PRKN: variants seen among roughly 807,000 people sequenced by gnomAD.
PRKN encodes the protein parkin RBR E3 ubiquitin protein ligase, also known as E3 ubiquitin-protein ligase parkin.
PRKN carries 56 observed loss-of-function variants against 59.5 expected under a neutral mutation model. The ratio of observed to expected loss-of-function variants is 0.94; its 90% CI spans 0.76 to 1.18. PRKN has a LOEUF of 1.18. Among genes scored for constraint, PRKN ranks in the 50% most tolerant of loss-of-function variants. The pLI is 0.00. For synonymous variants in PRKN, 250 were observed against 222.1 expected, an observed-to-expected ratio of 1.13 and a Z score of -1.12; for missense variants, 657 against 596.4, an observed-to-expected ratio of 1.10 and a Z score of -1.06.
In PRKN at chr6:161,409,953, A is replaced by G. The variant is rs1334962459; in HGVS notation, c.1084-23076T>C. On this transcript the variant is annotated intron_variant, in intron 9 of 11. Transcript: ENST00000366898. The surrounding 1 kb of genome is among the most constrained non-coding windows in gnomAD (Gnocchi z 4.6). ...AGAATTGGAAAATATTTCAGGGAGT[A>G]TTTGAAACAGGAAGATTAAATTCTG... Among the ~76,000 whole-genome samples the G allele has an allele frequency of 6.6e-6, 1 of 152,206 alleles. No individual in the cohort carries two copies. Among genetic ancestry groups the G allele is most frequent in the Non-Finnish European group, 1.5e-5 (1 of 68,048 alleles).
chr6:162,198,599 G>A (rs1312346596), intron 4 of PRKN, among the ~76,000 whole-genome samples: 1 of 152,018 alleles, frequency 6.6e-6, no homozygotes, highest in Non-Finnish European at 1.5e-5. Flanking sequence ...AAAGGAAATA[G>A]ATACTATTGT....
chr6:162,557,350 G>A (rs1276000751), intron 1 of PRKN, among the ~76,000 whole-genome samples: 1 of 152,198 alleles, frequency 6.6e-6, no homozygotes, highest in Non-Finnish European at 1.5e-5. Flanking sequence ...CAGCTTCCCT[G>A]AGCCTAGTCC....
At chr6:162,502,182 G>A (rs1445228761) in intron 1 of PRKN, among the ~76,000 whole-genome samples, 1 of 152,012 alleles carries the variant, frequency 6.6e-6, no homozygotes, top group Admixed American at 6.6e-5. Flanking sequence ...TCTTTTTTGA[G>A]ACAAGGTCTC....
intron 3 of PRKN, among the ~76,000 whole-genome samples, chr6:162,246,140 C>T (rs1046659163): frequency 1.3e-5 from 2 of 152,184 alleles, no homozygotes; most frequent in South Asian, 2.1e-4. Context: ...GGCTGAATTA[C>T]GTCAAAATTC....
At chr6:162,393,941 G>A (rs1162023512) in intron 2 of PRKN, among the ~76,000 whole-genome samples, 1 of 152,072 alleles carries the variant, frequency 6.6e-6, no homozygotes, top group Non-Finnish European at 1.5e-5. Flanking sequence ...ATGATTATAT[G>A]GTCATTTTGA....
chr6:161,962,082 C>T (rs1266451123), intron 6 of PRKN, among the ~76,000 whole-genome samples: 1 of 152,154 alleles, frequency 6.6e-6, no homozygotes. Flanking sequence ...AATTTGCACT[C>T]CGGGTGTCTG....
At chr6:162,328,082 C>T (rs1482631399) in intron 2 of PRKN, among the ~76,000 whole-genome samples, 1 of 152,128 alleles carries the variant, frequency 6.6e-6, no homozygotes, top group Non-Finnish European at 1.5e-5. Context: ...ACCACTAGGT[C>T]GGGTGCGGTG....
intron 5 of PRKN, among the ~76,000 whole-genome samples, chr6:162,002,217 G>A (rs1782086738): frequency 6.6e-6 from 1 of 152,040 alleles, no homozygotes; most frequent in African/African-American, 2.4e-5. Context: ...TTCTGAAAGA[G>A]ATTGTATAGA....
rs539366629 is a variant in PRKN at position 161,354,898 on chromosome 6, G to T, written c.1286-4687C>A. On this transcript the variant is annotated intron_variant, in intron 11 of 11. Transcript: ENST00000366898. This position sits in a 1 kb window ranked among gnomAD's most constrained non-coding sequence, Gnocchi z 6.7. ...TTTCCAAGAAATAGCCCGACAGGGA[G>T]AAACTTTCCTACAGTCACGAACCAT... Among the ~76,000 whole-genome samples the T allele has an allele frequency of 6.6e-6, 1 of 152,368 alleles. No homozygotes were observed. Among genetic ancestry groups the T allele is most frequent in the African/African-American group, 2.4e-5 (1 of 41,586 alleles).
Position 161,485,154 on chromosome 6 carries a change from T to C in PRKN, c.1083+63700A>G, listed in dbSNP as rs771647470. Among the ~76,000 whole-genome samples the C allele has an allele frequency of 3.3e-5, 5 of 152,228 alleles. No individual in the cohort carries two copies. In the South Asian group the frequency reaches 6.2e-4, roughly 19 times the overall value. On this transcript the variant is annotated intron_variant, in intron 9 of 11. Transcript: ENST00000366898. ...ACCTATTAATATTCTGGGGAATTCATTGTGTACCGAGCCAGTCATTCAGAT... is the reference window on the plus strand; with the variant it reads ...ACCTATTAATATTCTGGGGAATTCACTGTGTACCGAGCCAGTCATTCAGAT...
chr6:162,454,418 A>T (rs1046361379), intron 1 of PRKN, among the ~76,000 whole-genome samples: 2 of 152,236 alleles, frequency 1.3e-5, no homozygotes, highest in Non-Finnish European at 2.9e-5. Flanking sequence ...TTTTACAGAC[A>T]TTATCTCAGT....
intron 5 of PRKN, among the ~76,000 whole-genome samples, chr6:162,045,171 C>A (rs2128283042): frequency 6.6e-6 from 1 of 152,304 alleles, no homozygotes; most frequent in Non-Finnish European, 1.5e-5. Context: ...TTCCTACATC[C>A]TGAAAGTCAG....
At chr6:162,031,649 G>T (rs1450009198) in intron 5 of PRKN, among the ~76,000 whole-genome samples, 1 of 148,928 alleles carries the variant, frequency 6.7e-6, no homozygotes, top group Non-Finnish European at 1.5e-5. Context: ...GATTCTTCTT[G>T]CCTCCTGAGT....
chr6:162,535,339 C>T (rs949275969), intron 1 of PRKN, among the ~76,000 whole-genome samples: 1 of 152,092 alleles, frequency 6.6e-6, no homozygotes, highest in Non-Finnish European at 1.5e-5. Flanking sequence ...CTTTTAGAGT[C>T]CCTGGTTCCT....
Position 162,363,918 on chromosome 6 carries a change from G to A in PRKN, c.171+79392C>T, listed in dbSNP as rs79109601. ...TCCCCTAGACAAAAGGCTTGCATGC[G>A]GCTTGCTATAACAGTAGTCCCAGCT... is the stretch of plus-strand genomic sequence containing the variant. On this transcript the variant is annotated intron_variant, in intron 2 of 11. Transcript: ENST00000366898. Among the ~76,000 whole-genome samples the A allele has an allele frequency of 5.2e-3, 790 of 152,224 alleles. 10 individuals carry two copies. Among genetic ancestry groups the A allele is most frequent in the South Asian group, 0.027 (132 of 4,828 alleles).
intron 7 of PRKN, among the ~76,000 whole-genome samples, chr6:161,674,957 C>T (rs192712063): frequency 1.6e-4 from 25 of 152,278 alleles, no homozygotes; most frequent in Middle Eastern, 3.4e-3. Flanking sequence ...GTATTTTGCC[C>T]AGGGCTTGCT....
At chr6:162,415,591 G>A (rs575677644) in intron 2 of PRKN, among the ~76,000 whole-genome samples, 6 of 152,188 alleles carry the variant, frequency 3.9e-5, no homozygotes, top group Admixed American at 3.9e-4. Context: ...AGGGTGAAGC[G>A]GGTAGGTCAC....
chr6:161,541,548 C>T (rs553095707), intron 9 of PRKN, among the ~76,000 whole-genome samples: 4 of 152,266 alleles, frequency 2.6e-5, no homozygotes, highest in South Asian at 2.1e-4. Flanking sequence ...TGGTCAGGTG[C>T]GGTGGCTCAC....
At chr6:162,314,876 T>C (rs1782678966) in intron 2 of PRKN, among the ~76,000 whole-genome samples, 1 of 152,114 alleles carries the variant, frequency 6.6e-6, no homozygotes, top group Admixed American at 6.6e-5. Context: ...TCAAGTAAAA[T>C]CTGTATGCGT....
Sources: gnomAD v4.1 joint callset for allele counts (sites outside exome capture counted in the v4.1 genomes callset) on GRCh38, gnomAD v4.1.1 for gene constraint, Gnocchi (gnomAD v3.1) non-coding constraint, MANE v1.5 for transcripts, NCBI Gene and HGNC (gene_info 2026-07-23, HGNC 2026-07-21) for gene names.